Variants in MMP16 observed in about 807,000 individuals in gnomAD.
MMP16 encodes the protein matrix metallopeptidase 16.
In MMP16, 12 loss-of-function variants were observed where a neutral mutation model predicts 67.8. That is an observed-to-expected ratio of 0.18 (90% CI 0.11 to 0.29). The LOEUF is 0.29. Among genes scored for constraint, MMP16 ranks in the 10% least tolerant of loss-of-function variants. The pLI is 1.00. For synonymous variants in MMP16, 249 were observed against 255.9 expected (o/e 0.97, Z 0.26); for missense variants, 475 against 765.7 (o/e 0.62, Z 4.48).
chr8:88,149,418 A>T (rs1033964374), intron 4 of MMP16, among the ~76,000 whole-genome samples: 4 of 152,138 alleles, frequency 2.6e-5, no homozygotes, highest in South Asian at 2.1e-4. Flanking sequence ...GGGCACAGAC[A>T]AACAAAAAGA....
chr8:88,119,521 C>T (rs937262336), intron 4 of MMP16, among the ~76,000 whole-genome samples: 1 of 151,980 alleles, frequency 6.6e-6, no homozygotes, highest in Non-Finnish European at 1.5e-5. Flanking sequence ...GAACAAAATA[C>T]ATTTATCTTA....
At chr8:88,302,669 G>C (rs146557202) in intron 1 of MMP16, among the ~76,000 whole-genome samples, 1 of 152,202 alleles carries the variant, frequency 6.6e-6, no homozygotes, top group East Asian at 1.9e-4. Context: ...AAGTGGAAGG[G>C]GAAACAGTTA....
chr8:88,317,752 A>C (rs1457148198), intron 1 of MMP16, among the ~76,000 whole-genome samples: 1 of 152,188 alleles, frequency 6.6e-6, no homozygotes, highest in African/African-American at 2.4e-5. Flanking sequence ...GTGAGTGCTG[A>C]AAGCTACATA....
Position 88,290,158 on chromosome 8 carries a change from C to T in MMP16, c.132+36917G>A, listed in dbSNP as rs547046033. Among the ~76,000 whole-genome samples the T allele has an allele frequency of 2.6e-5, 4 of 152,210 alleles. No individual in the cohort carries two copies. The South Asian group carries it at 8.3e-4, about 32-fold the overall frequency. On this transcript the variant is annotated intron_variant, in intron 1 of 9. Coordinates refer to ENST00000286614, the MANE Select transcript of MMP16 (RefSeq NM_005941.5). ...AAATATGGAATCCACAAATAATGAG[C>T]ACTGAATGCATATGGAACACCCATA...
At chr8:88,077,020 A>G (rs2616505) in intron 6 of MMP16, among the ~76,000 whole-genome samples, 151,471 of 152,278 alleles carry the variant, frequency 0.99, 75,340 homozygotes, top group Non-Finnish European at 1. Flanking sequence ...GCAGATAGGA[A>G]TACAACCCCA....
chr8:88,076,795 A>G (rs540566204), intron 6 of MMP16, among the ~76,000 whole-genome samples: 1 of 152,330 alleles, frequency 6.6e-6, no homozygotes, highest in East Asian at 1.9e-4. Flanking sequence ...AATAATTAGT[A>G]GAAATGAATA....
chr8:88,274,962 AACTCACATTCATGCATCAT>A (rs1810622705), intron 1 of MMP16, among the ~76,000 whole-genome samples: 1 of 151,972 alleles, frequency 6.6e-6, no homozygotes, highest in Admixed American at 6.6e-5. Context: ...TATGTATACA[AACTCACATTCATGCATCAT>A]TACCCAATTC....
At chr8:88,173,465 C>G (rs1367339141) in intron 3 of MMP16, among the ~76,000 whole-genome samples, 1 of 151,896 alleles carries the variant, frequency 6.6e-6, no homozygotes, top group Non-Finnish European at 1.5e-5. Context: ...AATATTATGT[C>G]AAAATATTTT....
intron 1 of MMP16, among the ~76,000 whole-genome samples, chr8:88,289,482 G>T (rs769591307): frequency 1.3e-5 from 2 of 152,144 alleles, no homozygotes; most frequent in Non-Finnish European, 2.9e-5. Flanking sequence ...AAGAGCAATA[G>T]ATGTCAAAAG....
chr8:88,276,602 T>C (rs1041360020), intron 1 of MMP16, among the ~76,000 whole-genome samples: 2 of 152,134 alleles, frequency 1.3e-5, no homozygotes, highest in African/African-American at 4.8e-5. Context: ...TTTAAATAGG[T>C]AGGCTTTACA....
chr8:88,089,280 G>A (rs368852756), intron 6 of MMP16, among the ~76,000 whole-genome samples: 1 of 151,980 alleles, frequency 6.6e-6, no homozygotes, highest in Non-Finnish European at 1.5e-5. Context: ...AACCCTTAAA[G>A]GAAGTTAATA....
At chr8:88,286,910 T>C (rs1810842076) in intron 1 of MMP16, among the ~76,000 whole-genome samples, 1 of 152,142 alleles carries the variant, frequency 6.6e-6, no homozygotes, top group Non-Finnish European at 1.5e-5. Flanking sequence ...TTTTACTTTA[T>C]AAATTTCCCT....
At chr8:88,146,866 T>C (rs939629301) in intron 4 of MMP16, among the ~76,000 whole-genome samples, 1 of 151,924 alleles carries the variant, frequency 6.6e-6, no homozygotes, top group African/African-American at 2.4e-5. Context: ...TTTCCCCAAC[T>C]GTTTGAACAA....
At chr8:88,196,268 C>T (rs1415793913) in intron 2 of MMP16, among the ~76,000 whole-genome samples, 2 of 152,106 alleles carry the variant, frequency 1.3e-5, no homozygotes, top group Non-Finnish European at 2.9e-5. Flanking sequence ...TTGTGAGTAT[C>T]AAGGATTCTA....
At chr8:88,249,714 A>G (rs1012630381) in intron 1 of MMP16, among the ~76,000 whole-genome samples, 1 of 152,154 alleles carries the variant, frequency 6.6e-6, no homozygotes, top group East Asian at 1.9e-4. Context: ...CTTTAGGGAG[A>G]AGGCAGGCAA....
chr8:88,112,187 C>CTTTT (rs60025472), intron 6 of MMP16, among the ~76,000 whole-genome samples: 1 of 141,608 alleles, frequency 7.1e-6, no homozygotes, highest in Non-Finnish European at 1.5e-5. Context: ...GGCAACTATC[C>CTTTT]TTTTTTTTTT....
At chr8:88,326,816 GA>G in intron 1 of MMP16, 1 of 384,124 alleles carries the variant, frequency 2.6e-6, no homozygotes, top group Non-Finnish European at 4.9e-6. Flanking sequence ...TTCCCTGGGT[GA>G]AAAGCATGGA....
At chr8:88,261,895 T>C (rs1810394225) in intron 1 of MMP16, among the ~76,000 whole-genome samples, 1 of 152,056 alleles carries the variant, frequency 6.6e-6, no homozygotes, top group South Asian at 2.1e-4. Context: ...ATTATTAATA[T>C]TTAATCTTCA....
At chr8:88,260,403 T>A (rs966768423) in intron 1 of MMP16, among the ~76,000 whole-genome samples, 8 of 152,196 alleles carry the variant, frequency 5.3e-5, no homozygotes, top group South Asian at 2.1e-4. Context: ...ATTATGCTAC[T>A]TTTTTCACTT....
Sources: gnomAD v4.1 joint callset for allele counts (sites outside exome capture counted in the v4.1 genomes callset) on GRCh38, gnomAD v4.1.1 for gene constraint, MANE v1.5 for transcripts, NCBI Gene and HGNC (gene_info 2026-07-23, HGNC 2026-07-21) for gene names.